The following MCTP1 variants were observed in gnomAD, a reference collection of about 807,000 sequenced individuals.
The protein encoded by MCTP1 is multiple C2 and transmembrane domain containing 1, also known as multiple C2 and transmembrane domain-containing protein 1.
Under a neutral mutation model 120.6 loss-of-function variants are expected in MCTP1, and 69 were observed. That is an observed-to-expected ratio of 0.57 (90% CI 0.47 to 0.70). The LOEUF (loss-of-function observed/expected upper bound fraction) is 0.70, where lower values mean the gene tolerates loss of function less well. Ranked by LOEUF, MCTP1 falls within the 30% of genes least tolerant of loss-of-function variation. The pLI, the probability that MCTP1 is intolerant of heterozygous loss-of-function variation, is 0.00. For synonymous variants in MCTP1, 529 were observed against 493.1 expected, an observed-to-expected ratio of 1.07 and a Z score of -0.96; for missense variants, 1,203 against 1,248.8, an observed-to-expected ratio of 0.96 and a Z score of 0.55.
intron 1 of MCTP1, among the ~76,000 whole-genome samples, chr5:95,242,619 G>A (rs574993848): frequency 1.3e-5 from 2 of 152,236 alleles, no homozygotes; most frequent in South Asian, 4.1e-4. Flanking sequence ...TACACTGAGT[G>A]ATAAAAATCC....
chr5:95,173,100 C>A (rs251075), intron 1 of MCTP1, among the ~76,000 whole-genome samples: 111,703 of 152,008 alleles, frequency 0.73, 41,556 homozygotes, highest in African/African-American at 0.78. Context: ...AGATTATTTT[C>A]TTGTATGGAG....
intron 1 of MCTP1, among the ~76,000 whole-genome samples, chr5:95,177,021 T>C (rs938601794): frequency 6.6e-6 from 1 of 151,476 alleles, no homozygotes; most frequent in Non-Finnish European, 1.5e-5. Context: ...CCCGCCACCA[T>C]GCCCAGCTAA....
At chr5:95,226,591 CTT>C (rs879888289) in intron 1 of MCTP1, among the ~76,000 whole-genome samples, 1 of 147,018 alleles carries the variant, frequency 6.8e-6, no homozygotes. Context: ...CTCAGAACAC[CTT>C]TTTTTTTTTA....
At chr5:95,018,223 A>T (rs1161714033) in intron 1 of MCTP1, among the ~76,000 whole-genome samples, 1 of 152,098 alleles carries the variant, frequency 6.6e-6, no homozygotes, top group African/African-American at 2.4e-5. Context: ...CAAATGAAAC[A>T]TGTAGTAAAA....
rs945843363 is a variant in MCTP1, at chr5:95,038,188, C to G, written c.721-20704G>C. 3.6e-6 allele frequency: 3 copies of G among 835,444 alleles called. No individual in the cohort carries two copies. In the African/African-American group the frequency reaches 5.5e-5, roughly 15 times the overall value. The allele number at this position is 835,444 out of a possible 1,614,324, so 51.8% of individuals were successfully genotyped here. ...AGCAAGTTATTCCTTCCAGGTATAA[C>G]TAAAACATGAACATGGAATTAATCA... On this transcript the variant is annotated intron_variant, in intron 1 of 22. Coordinates refer to ENST00000515393, the MANE Select transcript of MCTP1 (RefSeq NM_024717.7).
intron 18 of MCTP1, among the ~76,000 whole-genome samples, chr5:94,797,038 A>G (rs1780242932): frequency 6.6e-6 from 1 of 152,162 alleles, no homozygotes; most frequent in Admixed American, 6.5e-5. Flanking sequence ...TACTAAAAGG[A>G]AAAGATTTGG....
At chr5:95,060,552 G>C (rs1183901065) in intron 1 of MCTP1, among the ~76,000 whole-genome samples, 2 of 152,174 alleles carry the variant, frequency 1.3e-5, no homozygotes, top group Admixed American at 1.3e-4. Context: ...AAAGAAAGGA[G>C]TAATATGAAT....
intron 1 of MCTP1, among the ~76,000 whole-genome samples, chr5:95,021,927 T>C (rs1838265950): frequency 6.6e-6 from 1 of 152,176 alleles, no homozygotes; most frequent in Admixed American, 6.5e-5. Context: ...CTTAATTTAC[T>C]TGTGCTTTAA....
intron 19 of MCTP1, among the ~76,000 whole-genome samples, chr5:94,756,117 C>T (rs1354658639): frequency 2.0e-5 from 3 of 152,252 alleles, no homozygotes; most frequent in Non-Finnish European, 2.9e-5. Flanking sequence ...ACAGCCAGAC[C>T]TTGTTCTAAG....
intron 1 of MCTP1, among the ~76,000 whole-genome samples, chr5:95,129,505 A>C (rs1758874195): frequency 6.6e-6 from 1 of 152,080 alleles, no homozygotes; most frequent in Non-Finnish European, 1.5e-5. Context: ...ACGGATGCCC[A>C]AACAGATGGT....
chr5:94,990,626 A>G (rs1044774672), intron 2 of MCTP1, among the ~76,000 whole-genome samples: 3 of 152,218 alleles, frequency 2.0e-5, no homozygotes, highest in Non-Finnish European at 4.4e-5. Context: ...ATTGATTAAG[A>G]ACATTTATTA....
chr5:95,107,460 A>G (rs1757157068), intron 1 of MCTP1, among the ~76,000 whole-genome samples: 1 of 152,262 alleles, frequency 6.6e-6, no homozygotes, highest in Admixed American at 6.5e-5. Context: ...ACATTTTATT[A>G]TAAAAGTTTT....
chr5:94,816,998 G>A (rs1468726679), intron 17 of MCTP1, among the ~76,000 whole-genome samples: 1 of 152,104 alleles, frequency 6.6e-6, no homozygotes, highest in Non-Finnish European at 1.5e-5. Context: ...TCAAAGATAA[G>A]AAATGCTCTT....
In MCTP1 at chr5:94,912,466, A is replaced by AAAAAAAAAAAAAAAG. The variant is rs1211529200; in HGVS notation, c.1521+339_1521+340insCTTTTTTTTTTTTTT. ...AAAAAAAAAAAAAAAAAAAAAAAAAAGCCGCACTCTGAGTACTTTATGTGC... is the reference window on the plus strand; with the variant it reads ...AAAAAAAAAAAAAAAAAAAAAAAAAAAAAAAAAAAAAAAAGGCCGCACTCTGAGTACTTTATGTGC... On this transcript the variant is annotated intron_variant, in intron 9 of 22. Coordinates refer to ENST00000515393, the MANE Select transcript of MCTP1 (RefSeq NM_024717.7). Among the ~76,000 whole-genome samples, 134 of 92,092 alleles carry AAAAAAAAAAAAAAAG rather than the reference A, an allele frequency of 1.5e-3. 31 individuals carry two copies. Among genetic ancestry groups the AAAAAAAAAAAAAAAG allele is most frequent in the African/African-American group, 1.9e-3 (51 of 26,768 alleles). The allele number at this position is 92,092 out of a possible 152,430, so 60.4% of individuals were successfully genotyped here. A position where few individuals can be genotyped will look rare whatever the true frequency, so the allele number is the denominator to read the frequency against.
intron 19 of MCTP1, among the ~76,000 whole-genome samples, chr5:94,739,625 T>C (rs1327616333): frequency 6.6e-6 from 1 of 152,182 alleles, no homozygotes; most frequent in East Asian, 1.9e-4. Flanking sequence ...GAGATCTTAA[T>C]GTTCCTTGAT....
At chr5:94,911,847 G>A (rs1010493972) in intron 9 of MCTP1, among the ~76,000 whole-genome samples, 10 of 151,892 alleles carry the variant, frequency 6.6e-5, no homozygotes, top group African/African-American at 2.4e-4. Context: ...TACTACTGTT[G>A]TTACTCTTCC....
intron 1 of MCTP1, among the ~76,000 whole-genome samples, chr5:95,114,280 A>G (rs1757659273): frequency 6.6e-6 from 1 of 152,218 alleles, no homozygotes; most frequent in Non-Finnish European, 1.5e-5. Context: ...CACTTTGTCT[A>G]TAGGGAACTT....
chr5:95,171,676 G>C (rs1057157466), intron 1 of MCTP1, among the ~76,000 whole-genome samples: 1 of 151,900 alleles, frequency 6.6e-6, no homozygotes, highest in Non-Finnish European at 1.5e-5. Flanking sequence ...TCCATCGCTG[G>C]TACCCTTTCT....
Position 95,284,458 on chromosome 5 carries a change from C to G in MCTP1, c.118G>C (p.Gly40Arg), listed in dbSNP as rs1049264105. 22 of 1,513,884 alleles carry G rather than the reference C, an allele frequency of 1.5e-5. No individual in the cohort carries two copies. The highest frequency in any genetic ancestry group is 1.8e-5 in the Non-Finnish European group (21 of 1,138,904). 93.8% of individuals were successfully genotyped at this position (1,513,884 alleles called of 1,614,324 possible). A position where few individuals can be genotyped will look rare whatever the true frequency, so the allele number is the denominator to read the frequency against. ...LGVGRSKGGG[G>R]GRAGGPERRT... Reference sequence around the variant, plus strand: ...CGCTCTGGACCCCCAGCGCGCCCGCCCCCGCCGCCCTTGCTCCTGCCCACC... The same window carrying G: ...CGCTCTGGACCCCCAGCGCGCCCGCGCCCGCCGCCCTTGCTCCTGCCCACC... Residue 40 changes from glycine (G) to arginine (R), a missense_variant, in exon 1 of 23, where the codon GGC becomes CGC. Gly to Arg is a moderately radical substitution (Grantham distance 125, BLOSUM62 -2). Coordinates refer to ENST00000515393, the MANE Select transcript of MCTP1 (RefSeq NM_024717.7). This position sits in a 1 kb window ranked among gnomAD's most constrained non-coding sequence, Gnocchi z 5.2.
Sources: gnomAD v4.1 joint callset for allele counts (sites outside exome capture counted in the v4.1 genomes callset) on GRCh38, gnomAD v4.1.1 for gene constraint, Gnocchi (gnomAD v3.1) non-coding constraint, MANE v1.5 for transcripts, NCBI Gene and HGNC (gene_info 2026-07-23, HGNC 2026-07-21) for gene names.